The following ZFYVE9 variants were observed in gnomAD, a reference collection of about 807,000 sequenced individuals.
The protein encoded by ZFYVE9 is zinc finger FYVE domain-containing protein 9.
In ZFYVE9, 43 loss-of-function variants were observed where a neutral mutation model predicts 126.7. The ratio of observed to expected loss-of-function variants is 0.34; its 90% CI spans 0.27 to 0.44. The LOEUF (loss-of-function observed/expected upper bound fraction) is 0.44, where lower values mean the gene tolerates loss of function less well. ZFYVE9 is among the 20% of genes least tolerant of loss of function. The pLI, the probability that ZFYVE9 is intolerant of heterozygous loss-of-function variation, is 1.00. For synonymous variants in ZFYVE9, 521 were observed against 597.4 expected (o/e 0.87, Z 1.87); for missense variants, 1,476 against 1,697.0 (o/e 0.87, Z 2.29).
chr1:52,288,943 A>G lies in ZFYVE9; in HGVS notation c.3026-4510A>G, dbSNP rs547634366. ...TCTGTCTCAAAAAAAAAAAAAAAAA[A>G]AAAGAAAAAGAAATATTAGTATTTC... is the stretch of plus-strand genomic sequence containing the variant. On this transcript the variant is annotated intron_variant, in intron 10 of 18. Transcript: ENST00000287727. Among the ~76,000 whole-genome samples the G allele has an allele frequency of 4.6e-3, 696 of 151,296 alleles. 1 individual carries two copies. The highest frequency in any genetic ancestry group is 7.2e-3 in the Non-Finnish European group (489 of 67,828).
intron 13 of ZFYVE9, among the ~76,000 whole-genome samples, chr1:52,308,994 T>TA (rs1646112699): frequency 6.6e-6 from 1 of 152,218 alleles, no homozygotes; most frequent in South Asian, 2.1e-4. Flanking sequence ...ATTGCAAGTA[T>TA]ACTAAAGGTA....
At chr1:52,334,052 C>T (rs932514668) in intron 14 of ZFYVE9, among the ~76,000 whole-genome samples, 4 of 150,640 alleles carry the variant, frequency 2.7e-5, no homozygotes, top group African/African-American at 4.9e-5. Flanking sequence ...GAGATAGCAC[C>T]GCTGCACGTC....
At chr1:52,243,227 C>T (rs1198173775) in intron 4 of ZFYVE9, among the ~76,000 whole-genome samples, 2 of 152,074 alleles carry the variant, frequency 1.3e-5, no homozygotes, top group Non-Finnish European at 2.9e-5. Flanking sequence ...TCCCCACCCT[C>T]ATGGTATGTA....
chr1:52,238,353 C>A lies in ZFYVE9; in HGVS notation c.936C>A (p.His312Gln). The change falls in exon 4 of 19, where the codon CAC (histidine) becomes CAA (glutamine). Residue 312 changes from histidine (H) to glutamine (Q), a missense_variant. This residue lies in a region of ZFYVE9 where 807 missense variants were observed against 794.6 expected (regional missense o/e 1.02). Coordinates refer to ENST00000287727, the MANE Select transcript of ZFYVE9 (RefSeq NM_004799.4). ...TAGGGAGTCCAAATTCCTTTTCCCA[C>A]ATGAGTGAGGGGATTTTGATGAAAA... ...TDLGSPNSFS[H>Q]MSEGILMKKE... 1 of 1,613,792 alleles carries A rather than the reference C, an allele frequency of 6.2e-7. No individual in the cohort carries two copies. Among genetic ancestry groups the A allele is most frequent in the Non-Finnish European group, 8.5e-7 (1 of 1,179,966 alleles).
intron 4 of ZFYVE9, among the ~76,000 whole-genome samples, chr1:52,249,271 A>G (rs575075784): frequency 6.6e-6 from 1 of 152,338 alleles, no homozygotes; most frequent in African/African-American, 2.4e-5. Context: ...AGTTCTTCAT[A>G]ACAATGTGAA....
intron 1 of ZFYVE9, among the ~76,000 whole-genome samples, chr1:52,177,042 C>T (rs753968889): frequency 1.4e-4 from 21 of 152,092 alleles, no homozygotes; most frequent in African/African-American, 3.1e-4. Context: ...GAGATGAACC[C>T]GGTACCTCAG....
At chr1:52,206,527 GT>G (rs869232748) in intron 1 of ZFYVE9, among the ~76,000 whole-genome samples, 1 of 152,008 alleles carries the variant, frequency 6.6e-6, no homozygotes, top group Non-Finnish European at 1.5e-5. Flanking sequence ...AGAGGTTTCT[GT>G]TTTGTTGTTG....
chr1:52,180,690 G>C, intron 1 of ZFYVE9: 4 of 360,508 alleles, frequency 1.1e-5, no homozygotes, highest in Admixed American at 4.1e-5. Context: ...AATAATCATT[G>C]CTGGGCCGGG....
chr1:52,244,105 G>A (rs1221570052), intron 4 of ZFYVE9, among the ~76,000 whole-genome samples: 1 of 152,204 alleles, frequency 6.6e-6, no homozygotes, highest in Non-Finnish European at 1.5e-5. Flanking sequence ...ATTGAAAAAA[G>A]CTGATTGAGT....
intron 4 of ZFYVE9, among the ~76,000 whole-genome samples, chr1:52,242,031 C>CTTTTTTTTTTT (rs975430437): frequency 9.4e-6 from 1 of 106,440 alleles, no homozygotes; most frequent in Non-Finnish European, 1.8e-5. Flanking sequence ...TCATGGCAAT[C>CTTTTTTTTTTT]TTTTTTTTTT....
At chr1:52,320,487 A>G (rs1344397905) in intron 13 of ZFYVE9, among the ~76,000 whole-genome samples, 2 of 152,246 alleles carry the variant, frequency 1.3e-5, no homozygotes, top group Non-Finnish European at 2.9e-5. Flanking sequence ...CAGATGCTCA[A>G]TAGCTTTTCC....
At chr1:52,220,776 A>G (rs1211102350) in intron 2 of ZFYVE9, among the ~76,000 whole-genome samples, 3 of 152,036 alleles carry the variant, frequency 2.0e-5, no homozygotes, top group Admixed American at 1.3e-4. Context: ...TATTTTCTTT[A>G]GAGAAAGGTC....
At chr1:52,176,404 C>T (rs923084735) in intron 1 of ZFYVE9, among the ~76,000 whole-genome samples, 1 of 152,206 alleles carries the variant, frequency 6.6e-6, no homozygotes, top group Non-Finnish European at 1.5e-5. Context: ...CAGTCTGCCC[C>T]TACTGGGGGG....
chr1:52,200,578 A>G (rs1644914294), intron 1 of ZFYVE9, among the ~76,000 whole-genome samples: 1 of 152,168 alleles, frequency 6.6e-6, no homozygotes, highest in African/African-American at 2.4e-5. Context: ...GTCATTGCCA[A>G]ATCAAAGGTC....
intron 13 of ZFYVE9, among the ~76,000 whole-genome samples, chr1:52,329,621 A>G (rs998864177): frequency 6.6e-6 from 1 of 152,194 alleles, no homozygotes; most frequent in Non-Finnish European, 1.5e-5. Flanking sequence ...ATTCTTACAT[A>G]TCGGCCGGGC....
intron 13 of ZFYVE9, among the ~76,000 whole-genome samples, chr1:52,332,011 AC>A (rs1198550636): frequency 6.6e-6 from 1 of 151,616 alleles, no homozygotes; most frequent in Non-Finnish European, 1.5e-5. Context: ...CGATCTCCTG[AC>A]CTCGTGATCC....
chr1:52,270,488 TCTC>T (rs535031459), intron 7 of ZFYVE9, among the ~76,000 whole-genome samples: 67 of 152,244 alleles, frequency 4.4e-4, no homozygotes, highest in Admixed American at 3.0e-3. Flanking sequence ...ATGGTCTCGA[TCTC>T]CTGACCTCCT....
chr1:52,286,171 AC>A (rs1489099453), intron 10 of ZFYVE9, among the ~76,000 whole-genome samples: 169 of 151,930 alleles, frequency 1.1e-3, no homozygotes, highest in Admixed American at 6.8e-3. Flanking sequence ...AAAAAAAAAA[AC>A]GTATCGCAAT....
intron 1 of ZFYVE9, among the ~76,000 whole-genome samples, chr1:52,197,092 G>T (rs1182302103): frequency 6.6e-6 from 1 of 152,126 alleles, no homozygotes; most frequent in Non-Finnish European, 1.5e-5. Flanking sequence ...GGAGGCAGAA[G>T]TAGATATAAG....
Sources: allele counts gnomAD v4.1 joint callset (sites outside exome capture counted in the v4.1 genomes callset), GRCh38; gene constraint gnomAD v4.1.1; regional missense constraint gnomAD v4.1.1; transcripts MANE v1.5; gene names NCBI Gene and HGNC (gene_info 2026-07-23, HGNC 2026-07-21).